Variants in APP observed in about 807,000 individuals in gnomAD.
The protein encoded by APP is amyloid beta precursor protein.
A neutral mutation model predicts 101.4 loss-of-function variants in APP; 31 were observed. The observed-to-expected ratio is 0.31, with a 90% CI of 0.23 to 0.41. APP has a LOEUF of 0.41. Among genes scored for constraint, APP ranks in the 10% least tolerant of loss-of-function variants. The pLI is 1.00. For missense variants in APP, 839 were observed against 1,003.7 expected, an observed-to-expected ratio of 0.84 and a Z score of 2.22; for synonymous variants, 366 against 364.4, an observed-to-expected ratio of 1.00 and a Z score of -0.05.
chr21:26,117,763 G>A (rs1156230336), intron 1 of APP, among the ~76,000 whole-genome samples: 1 of 152,136 alleles, frequency 6.6e-6, no homozygotes. Flanking sequence ...AACTGCAAGT[G>A]GTTTCTATTT....
chr21:25,954,525 T>C, intron 13 of APP, 65 bp downstream of exon 13: 1 of 1,370,368 alleles, frequency 7.3e-7, no homozygotes, highest in South Asian at 1.2e-5. Context: ...ATAACTCACT[T>C]CCTCAATTTT....
intron 13 of APP, among the ~76,000 whole-genome samples, chr21:25,948,665 G>A (rs2040935719): frequency 6.6e-6 from 1 of 152,112 alleles, no homozygotes; most frequent in Admixed American, 6.5e-5. Context: ...ATAGCATTCT[G>A]TAAAACAGCC....
intron 1 of APP, among the ~76,000 whole-genome samples, chr21:26,151,765 A>G (rs1351945048): frequency 6.6e-6 from 1 of 152,184 alleles, no homozygotes; most frequent in Non-Finnish European, 1.5e-5. Flanking sequence ...GGGCTCAGGC[A>G]GCAACACTCA....
At position 25,997,387 on chromosome 21, in the gene APP, CCTGGGTAGT is replaced by C. The variant is rs1383912209; in HGVS notation, c.1054_1062del (p.Thr352_Gln354del). 6.2e-7 allele frequency: 1 copy of C among 1,613,830 alleles called. No individual in the cohort carries two copies. The highest frequency in any genetic ancestry group is 1.1e-5 in the South Asian group (1 of 91,058). On this transcript the variant is annotated inframe_deletion, in exon 8 of 18. Transcript: ENST00000346798. The stretch of plus-strand genomic sequence containing the variant: ...TTAACAGGATCTCGGGCAAGAGGTT[CCTGGGTAGT>C]CTTGAGTAAACTTTGGGACACTATG...
rs138831259 is a variant in APP, at chr21:26,127,901, C to T, written c.58-15755G>A. On this transcript the variant is annotated intron_variant, in intron 1 of 17. Coordinates refer to ENST00000346798, the MANE Select transcript of APP (RefSeq NM_000484.4). ...AAAGAAAAGAAAACTAAAATGAGCACGTTCGTAAGACATCTGGGGAGCCTG... is the reference window on the plus strand; with the variant it reads ...AAAGAAAAGAAAACTAAAATGAGCATGTTCGTAAGACATCTGGGGAGCCTG... Among the ~76,000 whole-genome samples the T allele has an allele frequency of 2.8e-4, 43 of 152,302 alleles. 1 individual carries two copies. The East Asian group carries it at 7.5e-3, about 27-fold the overall frequency.
At chr21:26,144,522 T>C (rs116230269) in intron 1 of APP, among the ~76,000 whole-genome samples, 1 of 152,186 alleles carries the variant, frequency 6.6e-6, no homozygotes, top group African/African-American at 2.4e-5. Flanking sequence ...TAAATAGTTA[T>C]AAAAACATTA....
chr21:26,042,521 G>C (rs1330163661), intron 5 of APP, among the ~76,000 whole-genome samples: 2 of 152,128 alleles, frequency 1.3e-5, no homozygotes, highest in African/African-American at 4.8e-5. Context: ...AATTAAATTT[G>C]CTTTTGACTA....
intron 6 of APP, among the ~76,000 whole-genome samples, chr21:26,006,221 C>T (rs1485094428): frequency 1.3e-5 from 2 of 152,132 alleles, no homozygotes; most frequent in African/African-American, 4.8e-5. Context: ...ACTTACATGG[C>T]TATCTAAGGA....
chr21:25,884,847 T>G (rs1311071062), intron 17 of APP, among the ~76,000 whole-genome samples: 1 of 152,228 alleles, frequency 6.6e-6, no homozygotes, highest in Non-Finnish European at 1.5e-5. Flanking sequence ...CAACAATCAT[T>G]TGCATGCATC....
At chr21:26,024,526 A>G (rs1315208637) in intron 5 of APP, among the ~76,000 whole-genome samples, 2 of 152,194 alleles carry the variant, frequency 1.3e-5, no homozygotes, top group Admixed American at 1.3e-4. Flanking sequence ...ATGATCTACG[A>G]CAATAGAAAG....
intron 11 of APP, among the ~76,000 whole-genome samples, chr21:25,973,944 A>T (rs963416133): frequency 3.5e-5 from 2 of 57,706 alleles, no homozygotes; most frequent in African/African-American, 1.9e-4. Flanking sequence ...CATCTCATTT[A>T]AAAAAAAAAA....
intron 11 of APP, among the ~76,000 whole-genome samples, chr21:25,970,616 T>C (rs1160347791): frequency 1.3e-5 from 2 of 152,146 alleles, no homozygotes; most frequent in Non-Finnish European, 2.9e-5. Context: ...TTTTGGCAAA[T>C]AGAAAATGAA....
At chr21:25,904,438 T>G (rs2146294135) in intron 15 of APP, among the ~76,000 whole-genome samples, 1 of 152,360 alleles carries the variant, frequency 6.6e-6, no homozygotes, top group Non-Finnish European at 1.5e-5. Context: ...TGCATCCACA[T>G]CTGTTGTGTT....
chr21:25,950,583 T>C (rs542663923), intron 13 of APP, among the ~76,000 whole-genome samples: 1 of 152,130 alleles, frequency 6.6e-6, no homozygotes, highest in Non-Finnish European at 1.5e-5. Context: ...GGTTTCACCA[T>C]GTTGGCCACG....
chr21:25,996,407 C>CA (rs2043057874), intron 8 of APP, among the ~76,000 whole-genome samples: 1 of 104 alleles, frequency 9.6e-3, no homozygotes. Context: ...CCATGTACTA[C>CA]AATACCATGA....
At chr21:25,924,411 C>CAAAAAAAAAAAAA (rs551284093) in intron 13 of APP, among the ~76,000 whole-genome samples, 67 of 56,820 alleles carry the variant, frequency 1.2e-3, no homozygotes, top group African/African-American at 3.4e-3. Context: ...TTTGCAAATA[C>CAAAAAAAAAAAAA]AAAAAAAAAA....
At chr21:26,035,250 G>A (rs2045050716) in intron 5 of APP, among the ~76,000 whole-genome samples, 2 of 152,196 alleles carry the variant, frequency 1.3e-5, no homozygotes, top group Non-Finnish European at 2.9e-5. Flanking sequence ...CTAGGTGACA[G>A]AGCAGGACCT....
intron 5 of APP, among the ~76,000 whole-genome samples, chr21:26,043,348 G>A (rs1044522373): frequency 6.6e-6 from 1 of 151,990 alleles, no homozygotes; most frequent in Non-Finnish European, 1.5e-5. Flanking sequence ...CGATTCTCTG[G>A]CAGTCTCCCC....
chr21:26,046,121 C>T (rs2045598808), intron 5 of APP, among the ~76,000 whole-genome samples: 1 of 151,904 alleles, frequency 6.6e-6, no homozygotes, highest in South Asian at 2.1e-4. Context: ...CCACCGAGTC[C>T]CTTCCACAAC....
Sources: allele counts gnomAD v4.1 joint callset (sites outside exome capture counted in the v4.1 genomes callset), GRCh38; gene constraint gnomAD v4.1.1; transcripts MANE v1.5; gene names NCBI Gene and HGNC (gene_info 2026-07-23, HGNC 2026-07-21).